Variants in CEP126 observed in about 807,000 individuals in gnomAD.
CEP126 encodes centrosomal protein 126.
CEP126 carries 74 observed loss-of-function variants against 107.8 expected under a neutral mutation model. That is an observed-to-expected ratio of 0.69 (90% CI 0.57 to 0.83). The LOEUF is 0.83. Ranked by LOEUF, CEP126 falls within the 40% of genes least tolerant of loss-of-function variation. The pLI, the probability that CEP126 is intolerant of heterozygous loss-of-function variation, is 0.00. For missense variants in CEP126, 1,237 were observed against 1,281.9 expected (o/e 0.96, Z 0.53); for synonymous variants, 449 against 446.0 (o/e 1.01, Z -0.08).
intron 2 of CEP126, among the ~76,000 whole-genome samples, chr11:101,934,431 T>C (rs1047975975): frequency 6.6e-6 from 1 of 152,094 alleles, no homozygotes; most frequent in Non-Finnish European, 1.5e-5. Flanking sequence ...TATTTTTCCA[T>C]GCCACTTCCT....
chr11:101,974,754 G>A (rs930310440), intron 6 of CEP126, among the ~76,000 whole-genome samples: 15 of 152,118 alleles, frequency 9.9e-5, no homozygotes, highest in South Asian at 6.2e-4. Context: ...TGCAAAAATA[G>A]CAAGGTTCTC....
Position 101,986,922 on chromosome 11 carries a change from A to T in CEP126, c.3125A>T (p.Lys1042Ile). Residue 1042 changes from lysine (K) to isoleucine (I), a missense_variant, in exon 9 of 11, where the codon AAA (lysine) becomes ATA (isoleucine). Around this residue, in one of 3 missense-constraint regions of CEP126, gnomAD observed 99 missense variants for 114.4 expected, o/e 0.87. Transcript: ENST00000263468. Reference sequence around the variant, plus strand: ...GAGATTCTGACTGTCTTGAATAGCAAACAGATACAGAAATCAAATCTACCT... The same window carrying T: ...GAGATTCTGACTGTCTTGAATAGCATACAGATACAGAAATCAAATCTACCT... ...EDEILTVLNSKQIQKSNLPLN... is the reference protein window; with the variant it reads ...EDEILTVLNSIQIQKSNLPLN... 5 of 1,613,854 alleles carry T rather than the reference A, an allele frequency of 3.1e-6. No homozygotes were observed. The highest frequency in any genetic ancestry group is 4.2e-6 in the Non-Finnish European group (5 of 1,179,848).
chr11:101,987,827 G>T (rs1366647539), intron 9 of CEP126, among the ~76,000 whole-genome samples: 1 of 151,950 alleles, frequency 6.6e-6, no homozygotes, highest in Non-Finnish European at 1.5e-5. Context: ...CTCAAGCAAA[G>T]AACTTAATTT....
chr11:101,918,819 G>A (rs1366821441), intron 1 of CEP126, among the ~76,000 whole-genome samples: 1 of 152,154 alleles, frequency 6.6e-6, no homozygotes, highest in Non-Finnish European at 1.5e-5. Flanking sequence ...GTCATCTAGT[G>A]GAGGTTAGAA....
chr11:101,981,129 T>C (rs1941249962), intron 7 of CEP126, among the ~76,000 whole-genome samples: 1 of 152,172 alleles, frequency 6.6e-6, no homozygotes, highest in Non-Finnish European at 1.5e-5. Flanking sequence ...CTGTGCAGCA[T>C]TGGGGCAGCT....
At chr11:101,995,871 A>G (rs996359116) in intron 10 of CEP126, among the ~76,000 whole-genome samples, 9 of 152,184 alleles carry the variant, frequency 5.9e-5, no homozygotes, top group African/African-American at 2.2e-4. Flanking sequence ...CCGTTTATTA[A>G]ATATTAAGTA....
intron 1 of CEP126, among the ~76,000 whole-genome samples, chr11:101,922,139 T>A (rs1380036331): frequency 6.6e-6 from 1 of 150,532 alleles, no homozygotes; most frequent in Admixed American, 6.6e-5. Context: ...GTGAGCTATA[T>A]CTTACTTTCT....
At chr11:101,931,851 C>G (rs1054686704) in intron 2 of CEP126, among the ~76,000 whole-genome samples, 3 of 152,164 alleles carry the variant, frequency 2.0e-5, no homozygotes, top group Non-Finnish European at 2.9e-5. Flanking sequence ...AAGAGCATTT[C>G]CAACAGAGGA....
At chr11:101,992,685 A>G (rs1340928484) in intron 9 of CEP126, 93 bp from the exon 10 acceptor site, 2 of 722,666 alleles carry the variant, frequency 2.8e-6, no homozygotes, top group African/African-American at 1.9e-5. Context: ...GAATATTTTG[A>G]TACATCAGAA....
chr11:101,954,307 T>C (rs1232719913), intron 4 of CEP126, among the ~76,000 whole-genome samples: 1 of 152,232 alleles, frequency 6.6e-6, no homozygotes, highest in Non-Finnish European at 1.5e-5. Flanking sequence ...AATACAGGCA[T>C]GAGCCACCAT....
At position 101,962,582 on chromosome 11, in the gene CEP126, C is replaced by A. The variant is rs1383213472; in HGVS notation, c.1547C>A (p.Pro516His). ...TTTAATTGCAATAAGGAAGAGTTGC[C>A]TTTATTTTCAGACAGTTTTCAAGAT... is the stretch of plus-strand genomic sequence containing the variant. ...KYFNCNKEELPLFSDSFQDAY... is the reference protein window; with the variant it reads ...KYFNCNKEELHLFSDSFQDAY... The change falls in exon 6 of 11, where the codon CCT (proline) becomes CAT (histidine). Residue 516 changes from proline (P) to histidine (H), a missense_variant. By Grantham distance (77) the Pro-to-His change is moderately conservative. Coordinates refer to ENST00000263468, the MANE Select transcript of CEP126 (RefSeq NM_020802.4). 31 of 1,613,468 alleles carry A rather than the reference C, an allele frequency of 1.9e-5. No individual in the cohort carries two copies. The highest frequency in any genetic ancestry group is 2.7e-5 in the African/African-American group (2 of 74,978).
chr11:101,984,462 A>G (rs1197237583), intron 8 of CEP126, among the ~76,000 whole-genome samples: 1 of 152,246 alleles, frequency 6.6e-6, no homozygotes, highest in Non-Finnish European at 1.5e-5. Flanking sequence ...CAAAGAGGTT[A>G]TTAACATCGA....
In CEP126 at chr11:101,922,759, A is replaced by C. The variant is rs1940349619; in HGVS notation, c.247A>C (p.Lys83Gln). 4 of 1,610,374 alleles carry C rather than the reference A, an allele frequency of 2.5e-6. No homozygotes were observed. The highest frequency in any genetic ancestry group is 3.4e-6 in the Non-Finnish European group (4 of 1,177,590). The part of the protein sequence containing the change: ...KYFVESNRRK[K>Q]AFEEKRKEQE... ...TTTTGTGGAGTCAAATCGGAGAAAA[A>C]AGTAAGTAATTGCACTTTATTCAGA... Residue 83 changes from lysine to glutamine, a missense_variant and splice_region_variant, in exon 2 of 11, where the codon AAA becomes CAA. Coordinates refer to ENST00000263468, the MANE Select transcript of CEP126 (RefSeq NM_020802.4).
chr11:101,938,789 T>A (rs994773918), intron 2 of CEP126, among the ~76,000 whole-genome samples: 5 of 152,040 alleles, frequency 3.3e-5, no homozygotes, highest in South Asian at 4.1e-4. Flanking sequence ...CATTCAAAAA[T>A]TTTTTTTACT....
chr11:101,994,602 C>T (rs1465484481), intron 10 of CEP126, among the ~76,000 whole-genome samples: 16 of 152,106 alleles, frequency 1.1e-4, no homozygotes. Context: ...TCCAGTTATC[C>T]CAGCACAATT....
intron 2 of CEP126, among the ~76,000 whole-genome samples, chr11:101,938,615 A>C (rs542774018): frequency 1.3e-5 from 2 of 152,216 alleles, no homozygotes; most frequent in Admixed American, 1.3e-4. Flanking sequence ...TGGAAAGCCA[A>C]GGTAGGAGGA....
intron 2 of CEP126, among the ~76,000 whole-genome samples, chr11:101,937,984 T>A (rs961722741): frequency 2.0e-5 from 3 of 150,886 alleles, no homozygotes; most frequent in Non-Finnish European, 3.0e-5. Flanking sequence ...AAACCCCGTC[T>A]CTACTAAAAA....
intron 1 of CEP126, among the ~76,000 whole-genome samples, chr11:101,920,660 G>A (rs2137077130): frequency 6.7e-6 from 1 of 149,820 alleles, no homozygotes; most frequent in Admixed American, 6.7e-5. Flanking sequence ...CTGGAGTATA[G>A]TGGCGTGTTC....
Position 101,969,561 on chromosome 11 carries a change from C to T in CEP126, c.2845+5681C>T, listed in dbSNP as rs147729273. 1.6e-3 allele frequency among the ~76,000 whole-genome samples: 238 copies of T among 152,290 alleles called. 1 individual carries two copies. The highest frequency in any genetic ancestry group is 5.2e-3 in the African/African-American group (218 of 41,564). On this transcript the variant is annotated intron_variant, in intron 6 of 10. Coordinates refer to ENST00000263468, the MANE Select transcript of CEP126 (RefSeq NM_020802.4). ...TAAAAAGAAGGCAATTCTCCACAAA[C>T]TAATCCGTAAATGTAGTATAATCTC...
Sources: gnomAD v4.1 joint callset for allele counts (sites outside exome capture counted in the v4.1 genomes callset) on GRCh38, gnomAD v4.1.1 for gene constraint, gnomAD v4.1.1 regional missense constraint, MANE v1.5 for transcripts, NCBI Gene and HGNC (gene_info 2026-07-23, HGNC 2026-07-21) for gene names.